PUM2: variants seen among roughly 807,000 people sequenced by gnomAD.
The protein encoded by PUM2 is pumilio homolog 2.
A neutral mutation model predicts 124.5 loss-of-function variants in PUM2; 57 were observed. That is an observed-to-expected ratio of 0.46 (90% CI 0.37 to 0.57). The LOEUF (loss-of-function observed/expected upper bound fraction) is 0.57. Ranked by LOEUF, PUM2 falls within the 20% of genes least tolerant of loss-of-function variation. The pLI is 0.00. For missense variants in PUM2, 1,065 were observed against 1,290.6 expected (o/e 0.83, Z 2.68); for synonymous variants, 460 against 446.1 (o/e 1.03, Z -0.39).
At chr2:20,327,788 G>C (rs111269494) in intron 1 of PUM2, among the ~76,000 whole-genome samples, 9 of 152,256 alleles carry the variant, frequency 5.9e-5, no homozygotes, top group African/African-American at 2.2e-4. Context: ...TAAGAATCCA[G>C]CCTTAATGGC....
chr2:20,345,587 T>C (rs1285434716), intron 1 of PUM2, among the ~76,000 whole-genome samples: 2 of 151,078 alleles, frequency 1.3e-5, no homozygotes, highest in African/African-American at 4.9e-5. Context: ...AAAAAAAATG[T>C]GTGGGGCGAG....
At chr2:20,344,698 C>T (rs1573037675) in intron 1 of PUM2, among the ~76,000 whole-genome samples, 3 of 152,006 alleles carry the variant, frequency 2.0e-5, no homozygotes, top group Admixed American at 1.3e-4. Flanking sequence ...TTTAAGATTC[C>T]GCAGCTGGGC....
intron 7 of PUM2, among the ~76,000 whole-genome samples, chr2:20,300,112 C>G (rs889593609): frequency 6.6e-6 from 1 of 151,998 alleles, no homozygotes; most frequent in African/African-American, 2.4e-5. Context: ...ATGTCCAACC[C>G]CTACTTCCCA....
Position 20,278,570 on chromosome 2 carries a change from G to A in PUM2, c.1957+13C>T, listed in dbSNP as rs776830569. On this transcript the variant is annotated intron_variant, in intron 13 of 20. Coordinates refer to ENST00000361078, the MANE Select transcript of PUM2 (RefSeq NM_015317.5). ...ATACATACAAATAAAAAGGGTTTTGGTTTTTTTTTTACCTAAATGCAAACT... is the reference window on the plus strand; with the variant it reads ...ATACATACAAATAAAAAGGGTTTTGATTTTTTTTTTACCTAAATGCAAACT... 2.2e-6 allele frequency: 3 copies of A among 1,352,880 alleles called. No homozygotes were observed. Among genetic ancestry groups the A allele is most frequent in the Non-Finnish European group, 3.1e-6 (3 of 981,874 alleles). The allele number at this position is 1,352,880 out of a possible 1,614,324, so 83.8% of individuals were successfully genotyped here. A position where few individuals can be genotyped will look rare whatever the true frequency, so the allele number is the denominator to read the frequency against.
At chr2:20,338,332 G>C (rs1686542457) in intron 1 of PUM2, among the ~76,000 whole-genome samples, 1 of 152,178 alleles carries the variant, frequency 6.6e-6, no homozygotes, top group South Asian at 2.1e-4. Context: ...AGGAGGCGGA[G>C]GTTGCAGTGA....
chr2:20,337,922 T>C (rs968535834), intron 1 of PUM2, among the ~76,000 whole-genome samples: 1 of 152,176 alleles, frequency 6.6e-6, no homozygotes, highest in Non-Finnish European at 1.5e-5. Flanking sequence ...ATTCTCACTA[T>C]AATCCAGCAA....
intron 9 of PUM2, among the ~76,000 whole-genome samples, chr2:20,293,451 A>G (rs879509076): frequency 2.0e-5 from 3 of 152,212 alleles, no homozygotes; most frequent in Non-Finnish European, 4.4e-5. Flanking sequence ...GCTCACGCCT[A>G]TAATTCCGGC....
chr2:20,312,533 T>C, intron 3 of PUM2, 110 bp from the exon 4 acceptor site: 1 of 1,000,572 alleles, frequency 1.0e-6, no homozygotes, highest in Non-Finnish European at 1.5e-6. Context: ...TTATTTTGAA[T>C]GTTATTACTA....
intron 12 of PUM2, among the ~76,000 whole-genome samples, chr2:20,279,340 G>A (rs1455220706): frequency 2.0e-5 from 3 of 151,986 alleles, no homozygotes; most frequent in East Asian, 3.9e-4. Context: ...ATATTGGCCC[G>A]AATATTGATC....
intron 13 of PUM2, among the ~76,000 whole-genome samples, chr2:20,269,644 C>A (rs1475753257): frequency 6.6e-6 from 1 of 152,154 alleles, no homozygotes; most frequent in East Asian, 1.9e-4. Context: ...ACACACATGT[C>A]AAACGTACTA....
intron 14 of PUM2, among the ~76,000 whole-genome samples, chr2:20,262,101 G>C (rs1331352898): frequency 6.6e-6 from 1 of 152,000 alleles, no homozygotes; most frequent in Non-Finnish European, 1.5e-5. Context: ...TCTCAAAGTG[G>C]GGAGAAGTTA....
At chr2:20,257,192 A>T (rs541506665) in intron 16 of PUM2, among the ~76,000 whole-genome samples, 1 of 152,200 alleles carries the variant, frequency 6.6e-6, no homozygotes, top group Non-Finnish European at 1.5e-5. Flanking sequence ...AACTTGTGGC[A>T]GAGAAGTTTC....
In PUM2 at chr2:20,305,463, G is replaced by GAAAAAA. The variant is rs67834545; in HGVS notation, c.883+2509_883+2514dup. Among the ~76,000 whole-genome samples the GAAAAAA allele has an allele frequency of 2.0e-4, 9 of 46,152 alleles. 1 individual carries two copies. Among genetic ancestry groups the GAAAAAA allele is most frequent in the East Asian group, 1.4e-3 (2 of 1,438 alleles). The allele number at this position is 46,152 out of a possible 152,430, so 30.3% of individuals were successfully genotyped here. On this transcript the variant is annotated intron_variant, in intron 7 of 20. Transcript: ENST00000361078. ...GGTGACAGAGTAAGACCCTGTCTTC[G>GAAAAAA]AAAAAAAAAAAAAAAAAAAAAAAAA...
At chr2:20,302,429 T>C (rs1051098544) in intron 7 of PUM2, among the ~76,000 whole-genome samples, 13 of 152,304 alleles carry the variant, frequency 8.5e-5, no homozygotes, top group South Asian at 4.1e-4. Context: ...AACAAGGAAA[T>C]TGTATCAAAT....
At chr2:20,255,486 C>T in intron 17 of PUM2, 145 bp from the exon 18 acceptor site, 1 of 743,168 alleles carries the variant, frequency 1.3e-6, no homozygotes, top group Non-Finnish European at 2.1e-6. Flanking sequence ...TTTAATATGA[C>T]TACCACCATG....
Position 20,256,073 on chromosome 2 carries a change from G to A in PUM2, c.2582C>T (p.Pro861Leu), listed in dbSNP as rs777793051. The change falls in exon 17 of 21, where the codon CCA becomes CTA. Residue 861 changes from proline to leucine, a missense_variant. Physicochemically the swap from Pro to Leu is moderately conservative, Grantham distance 98 (BLOSUM62 -3). This residue lies in a region of PUM2 where 968 missense variants were observed against 1,159.8 expected (regional missense o/e 0.83). Coordinates refer to ENST00000361078, the MANE Select transcript of PUM2 (RefSeq NM_015317.5). The stretch of plus-strand genomic sequence containing the variant: ...ATCAATGATGAACTGTAGTGACTGT[G>A]GCTGAACACATTCGATACATTTTTG... ...VVQKCIECVQPQSLQFIIDAF... is the reference protein window; with the variant it reads ...VVQKCIECVQLQSLQFIIDAF... 1 of 1,598,470 alleles carries A rather than the reference G, an allele frequency of 6.3e-7. No homozygotes were observed. The highest frequency in any genetic ancestry group is 1.1e-5 in the South Asian group (1 of 88,158).
chr2:20,318,295 G>C (rs1049459936), intron 3 of PUM2, among the ~76,000 whole-genome samples: 1 of 152,058 alleles, frequency 6.6e-6, no homozygotes, highest in African/African-American at 2.4e-5. Context: ...ACATTTCTTA[G>C]CTGCCATTAA....
intron 7 of PUM2, among the ~76,000 whole-genome samples, chr2:20,304,059 T>A (rs1006119331): frequency 6.6e-6 from 1 of 152,214 alleles, no homozygotes; most frequent in African/African-American, 2.4e-5. Context: ...ACTTGTTCAT[T>A]ATGTGGTATC....
At chr2:20,296,075 T>A (rs1184100324) in intron 8 of PUM2, among the ~76,000 whole-genome samples, 1 of 152,190 alleles carries the variant, frequency 6.6e-6, no homozygotes. Context: ...AAAGCTCACA[T>A]CCTTATAGAA....
Sources: allele counts gnomAD v4.1 joint callset (sites outside exome capture counted in the v4.1 genomes callset), GRCh38; gene constraint gnomAD v4.1.1; regional missense constraint gnomAD v4.1.1; transcripts MANE v1.5; gene names NCBI Gene and HGNC (gene_info 2026-07-23, HGNC 2026-07-21).